Variants in FBXO7 observed in about 807,000 individuals in gnomAD.
The protein encoded by FBXO7 is F-box protein 7.
A neutral mutation model predicts 50.2 loss-of-function variants in FBXO7; 31 were observed. That is an observed-to-expected ratio of 0.62 (90% CI 0.46 to 0.83). The LOEUF is 0.83. FBXO7 is among the 40% of genes least tolerant of loss of function. The probability of loss-of-function intolerance (pLI) is 0.00; values close to 1 mark genes in which losing one functional copy is unlikely to be tolerated. For synonymous variants in FBXO7, 256 were observed against 253.1 expected (o/e 1.01, Z -0.11); for missense variants, 667 against 646.6 (o/e 1.03, Z -0.34).
intron 2 of FBXO7, among the ~76,000 whole-genome samples, chr22:32,480,199 C>T (rs1041531443): frequency 6.6e-6 from 1 of 152,130 alleles, no homozygotes; most frequent in African/African-American, 2.4e-5. Context: ...TCTTTCATAA[C>T]TCTATCTCAT....
chr22:32,480,329 A>G (rs955899464), intron 2 of FBXO7, among the ~76,000 whole-genome samples: 2 of 152,136 alleles, frequency 1.3e-5, no homozygotes, highest in African/African-American at 4.8e-5. Flanking sequence ...AGGCTTTCTG[A>G]AAAGTTACTC....
At chr22:32,495,609 C>A in intron 8 of FBXO7, 79 bp downstream of exon 8, 2 of 713,156 alleles carry the variant, frequency 2.8e-6, no homozygotes, top group South Asian at 5.0e-5. Context: ...GGTATATTTT[C>A]ACTTTTATAT....
rs2057590132 is a variant in FBXO7, at chr22:32,498,309, C to T, written c.1348C>T (p.Gln450Ter). The T allele has an allele frequency of 6.2e-7, 1 of 1,614,146 alleles. No homozygotes were observed. Among genetic ancestry groups the T allele is most frequent in the African/African-American group, 1.3e-5 (1 of 75,018 alleles). Residue 450 changes from glutamine to a stop codon, truncating the protein, a stop_gained, in exon 9 of 9, where the codon CAA becomes TAA. Transcript: ENST00000266087. LOFTEE classifies it high-confidence loss of function. The stretch of plus-strand genomic sequence containing the variant: ...AGGAATTATCGGGGGTGAATATGAC[C>T]AAAGACCAACACTTCCCTATGTTGG... ...PPGIIGGEYDQRPTLPYVGDP... is the reference protein window; with the variant it reads ...PPGIIGGEYD
In FBXO7 at chr22:32,485,131, C is replaced by CAGT; in HGVS notation, c.711_713dup (p.Gln237_Tyr238insTer). The CAGT allele has an allele frequency of 6.2e-7, 1 of 1,614,194 alleles. No homozygotes were observed. Among genetic ancestry groups the CAGT allele is most frequent in the Non-Finnish European group, 8.5e-7 (1 of 1,180,042 alleles). On this transcript the variant is annotated stop_gained and inframe_insertion, in exon 4 of 9. Coordinates refer to ENST00000266087, the MANE Select transcript of FBXO7 (RefSeq NM_012179.4). LOFTEE classifies it high-confidence loss of function. Reference sequence around the variant, plus strand: ...GAAGTTGAGCGGGGTGTATAAGCTGCAGTACATGCATCCTCTCTGCGAGGG... The same window carrying CAGT: ...GAAGTTGAGCGGGGTGTATAAGCTGCAGTAGTACATGCATCCTCTCTGCGAGGG...
chr22:32,480,036 G>A, intron 2 of FBXO7, among the ~76,000 whole-genome samples: 1 of 152,142 alleles, frequency 6.6e-6, no homozygotes, highest in Non-Finnish European at 1.5e-5. Flanking sequence ...TGGCACTGCT[G>A]GTTTTCTGTG....
chr22:32,487,932 A>G, intron 5 of FBXO7, 104 bp downstream of exon 5: 1 of 730,560 alleles, frequency 1.4e-6, no homozygotes, highest in South Asian at 1.6e-5. Flanking sequence ...TCTATATGAG[A>G]TTAAAGCATA....
chr22:32,476,691 TAAGAG>T (rs2057431078), intron 1 of FBXO7, among the ~76,000 whole-genome samples: 1 of 152,156 alleles, frequency 6.6e-6, no homozygotes, highest in Admixed American at 6.5e-5. Flanking sequence ...TTTTGTTTTT[TAAGAG>T]AAAAGTGAAA....
Position 32,498,275 on chromosome 22 carries a change from C to A in FBXO7, c.1314C>A (p.Arg438=). The A allele has an allele frequency of 6.2e-7, 1 of 1,614,210 alleles. No homozygotes were observed. The highest frequency in any genetic ancestry group is 8.5e-7 in the Non-Finnish European group (1 of 1,180,040). Residue 438 remains arginine (R), a synonymous_variant, in exon 9 of 9, where the codon CGC becomes CGA. Coordinates refer to ENST00000266087, the MANE Select transcript of FBXO7 (RefSeq NM_012179.4). ...ACCCTAGGCCATTTCCTAGCTCCCG[C>A]CTTCCTCCAGGAATTATCGGGGGTG... ...PLHPRPFPSS[R]LPPGIIGGEY... is the part of the protein sequence containing the mutation.
At chr22:32,484,182 CCTGCTCT>C in intron 3 of FBXO7, 58 bp downstream of exon 3, 4 of 1,472,254 alleles carry the variant, frequency 2.7e-6, no homozygotes, top group Non-Finnish European at 3.8e-6. Context: ...GTGGATGGTT[CCTGCTCT>C]CAAGTTGCCC....
At chr22:32,497,586 A>T (rs2057583434) in intron 8 of FBXO7, among the ~76,000 whole-genome samples, 1 of 152,232 alleles carries the variant, frequency 6.6e-6, no homozygotes, top group African/African-American at 2.4e-5. Context: ...AATATTACAT[A>T]AATTTAGTTG....
intron 7 of FBXO7, among the ~76,000 whole-genome samples, chr22:32,494,473 T>C (rs2057559376): frequency 6.6e-6 from 1 of 152,286 alleles, no homozygotes; most frequent in Admixed American, 6.5e-5. Context: ...CATAAGTAGC[T>C]GAGAACTGTA....
At chr22:32,492,730 T>C (rs1198629464) in intron 6 of FBXO7, 2 of 275,586 alleles carry the variant, frequency 7.3e-6, no homozygotes, top group Admixed American at 1.0e-4. Flanking sequence ...GAAACAGATA[T>C]AAAAGCCAGT....
chr22:32,496,611 A>G (rs1198540938), intron 8 of FBXO7, among the ~76,000 whole-genome samples: 2 of 152,070 alleles, frequency 1.3e-5, no homozygotes, highest in Non-Finnish European at 2.9e-5. Context: ...TTTCAAGTCC[A>G]CTATTGAGGC....
Position 32,487,761 on chromosome 22 carries a change from CAAT to C in FBXO7, c.805_807del (p.Asn269del), listed in dbSNP as rs1178991249. ...TATTTACAGCTACACTAAAAATCAA[CAAT>C]GAGATTAGAAGTGTGAAAAGATTGC... On this transcript the variant is annotated inframe_deletion, in exon 5 of 9. Coordinates refer to ENST00000266087, the MANE Select transcript of FBXO7 (RefSeq NM_012179.4). The C allele has an allele frequency of 1.2e-5, 20 of 1,606,810 alleles. No homozygotes were observed. Among genetic ancestry groups the C allele is most frequent in the Non-Finnish European group, 1.6e-5 (19 of 1,174,204 alleles).
At position 32,484,052 on chromosome 22, in the gene FBXO7, CTG is replaced by C. The variant is rs778770873; in HGVS notation, c.575_576del (p.Cys192PhefsTer2). On this transcript the variant is annotated frameshift_variant, in exon 3 of 9. Transcript: ENST00000266087. LOFTEE classifies it high-confidence loss of function. ...SLETLYQSAD[C>X]SDANDALIVL... ...TAGAGACCTTGTATCAATCAGCTGACTGTTCTGATGCCAATGATGCCTTGATA... is the reference window on the plus strand; with the variant it reads ...TAGAGACCTTGTATCAATCAGCTGACTTCTGATGCCAATGATGCCTTGATA... The C allele has an allele frequency of 6.2e-7, 1 of 1,614,176 alleles. No individual in the cohort carries two copies. The highest frequency in any genetic ancestry group is 1.7e-5 in the Admixed American group (1 of 60,018).
chr22:32,479,499 C>T (rs982959875), intron 2 of FBXO7, among the ~76,000 whole-genome samples: 5 of 150,952 alleles, frequency 3.3e-5, no homozygotes, highest in African/African-American at 9.8e-5. Context: ...CCAGTTCAAG[C>T]GATTCTCCTG....
chr22:32,493,881 AAAAC>A (rs940620034), intron 7 of FBXO7, among the ~76,000 whole-genome samples: 55 of 152,296 alleles, frequency 3.6e-4, no homozygotes, highest in African/African-American at 1.3e-3. Context: ...ATGTTACAAA[AAAAC>A]AAAACCCACA....
chr22:32,482,364 A>C (rs1838388948), intron 2 of FBXO7, among the ~76,000 whole-genome samples: 1 of 152,088 alleles, frequency 6.6e-6, no homozygotes, highest in South Asian at 2.1e-4. Flanking sequence ...CATTTCTCCA[A>C]CCTTTTACAT....
intron 1 of FBXO7, among the ~76,000 whole-genome samples, chr22:32,478,546 AC>A (rs1369734354): frequency 1.3e-5 from 2 of 152,150 alleles, no homozygotes; most frequent in African/African-American, 2.4e-5. Context: ...ATTGATAAAT[AC>A]TTTTGATAAT....
Sources: gnomAD v4.1 joint callset for allele counts (sites outside exome capture counted in the v4.1 genomes callset) on GRCh38, gnomAD v4.1.1 for gene constraint, MANE v1.5 for transcripts, NCBI Gene and HGNC (gene_info 2026-07-23, HGNC 2026-07-21) for gene names.